CFD: variants seen among roughly 807,000 people sequenced by gnomAD.
CFD encodes the protein C3 convertase activator.
A neutral mutation model predicts 21.1 loss-of-function variants in CFD; 24 were observed. The observed-to-expected ratio is 1.14, with a 90% confidence interval of 0.82 to 1.60. CFD has a LOEUF of 1.60. Among genes scored for constraint, CFD ranks in the 40% most tolerant of loss-of-function variants. CFD has a pLI of 0.00. For synonymous variants in CFD, 242 were observed against 175.9 expected, an observed-to-expected ratio of 1.38 and a Z score of -2.97; for missense variants, 535 against 383.3, an observed-to-expected ratio of 1.40 and a Z score of -3.31.
Position 860,706 on chromosome 19 carries a change from C to T in CFD, c.145C>T (p.His49Tyr), listed in dbSNP as rs890955645. 1 of 1,557,888 alleles carries T rather than the reference C, an allele frequency of 6.4e-7. No homozygotes were observed. The highest frequency in any genetic ancestry group is 8.6e-7 in the Non-Finnish European group (1 of 1,161,406). Residue 49 changes from histidine to tyrosine, a missense_variant, in exon 2 of 5, where the codon CAC (histidine) becomes TAC (tyrosine). By Grantham distance (83) the His-to-Tyr change is moderately conservative (BLOSUM62 2). Coordinates refer to ENST00000327726, the MANE Select transcript of CFD (RefSeq NM_001928.4). ...GGCGTCGGTGCAGCTGAACGGCGCG[C>T]ACCTGTGCGGCGGCGTCCTGGTGGC... Reference protein sequence around the residue: ...YMASVQLNGAHLCGGVLVAEQ... With the variant: ...YMASVQLNGAYLCGGVLVAEQ...
chr19:862,008 G>T, intron 4 of CFD, 52 bp downstream of exon 4: 2 of 1,509,682 alleles, frequency 1.3e-6, no homozygotes, highest in Non-Finnish European at 1.8e-6. Flanking sequence ...CCCGGGAAGG[G>T]CCTGCAGAGG....
intron 3 of CFD, 64 bp from the exon 4 acceptor site, chr19:861,635 T>A: frequency 1.4e-6 from 2 of 1,438,568 alleles, no homozygotes; most frequent in Non-Finnish European, 1.8e-6. Context: ...TCCCCGAGCC[T>A]AGCGGCATTC....
At position 863,210 on chromosome 19, in the gene CFD, C is replaced by T. The variant is rs958184064; in HGVS notation, c.734C>T (p.Ala245Val). 7.8e-6 allele frequency: 12 copies of T among 1,542,606 alleles called. No individual in the cohort carries two copies. In the African/African-American group the frequency reaches 1.1e-4, roughly 14 times the overall value. The change falls in exon 5 of 5, where the codon GCG becomes GTG. Residue 245 changes from alanine (A) to valine (V), a missense_variant. By Grantham distance (64) the Ala-to-Val change is moderately conservative. Transcript: ENST00000327726. ...ATCTACACCCGCGTGGCGAGCTATG[C>T]GGCCTGGATCGACAGCGTCCTGGCC... Reference protein sequence around the residue: ...PGIYTRVASYAAWIDSVLA With the variant: ...PGIYTRVASYVAWIDSVLA
chr19:860,430 A>ACCCCCCCCC (rs57197777), intron 1 of CFD, among the ~76,000 whole-genome samples, 187 bp from the exon 2 acceptor site: 9 of 140,438 alleles, frequency 6.4e-5, no homozygotes, highest in African/African-American at 1.1e-4. Context: ...CATGATCTGC[A>ACCCCCCCCC]CCCCCCCCTC....
At chr19:862,098 C>T (rs528253689) in intron 4 of CFD, 142 bp downstream of exon 4, 2 of 806,014 alleles carry the variant, frequency 2.5e-6, no homozygotes, top group African/African-American at 3.4e-5. Context: ...GGAAGATGGG[C>T]GGAGCATGAG....
Position 860,768 on chromosome 19 carries a change from G to T in CFD, c.207G>T (p.Glu69Asp). 6.4e-7 allele frequency: 1 copy of T among 1,566,196 alleles called. No homozygotes were observed. The highest frequency in any genetic ancestry group is 2.3e-5 in the East Asian group (1 of 42,816). Residue 69 changes from glutamate to aspartate, a missense_variant, in exon 2 of 5, where the codon GAG (glutamate) becomes GAT (aspartate). Coordinates refer to ENST00000327726, the MANE Select transcript of CFD (RefSeq NM_001928.4). ...TGCTGAGCGCGGCGCACTGCCTGGA[G>T]GACGCGTGAGTGCCCGCGCCGCGCG... ...QWVLSAAHCL[E>D]DAADGKVQVL...
chr19:863,032 T>C (rs925251480), intron 4 of CFD, 60 bp from the exon 5 acceptor site: 14 of 1,461,682 alleles, frequency 9.6e-6, no homozygotes, highest in Non-Finnish European at 1.2e-5. Context: ...TGAGGGGGTC[T>C]AACACGTGAG....
rs1383170028 is a variant in CFD, at chr19:863,602, T to C, written c.*364T>C. 4 of 180,766 alleles carry C rather than the reference T, an allele frequency of 2.2e-5. No homozygotes were observed. Among genetic ancestry groups the C allele is most frequent in the South Asian group, 1.1e-4 (1 of 9,442 alleles). The allele number at this position is 180,766 out of a possible 1,614,324, so 11.2% of individuals were successfully genotyped here. ...GGGCAACAGAGTGAAACCTTGTCTC[T>C]CTCTACAAAAAAAAAAAAAAAATTC... On this transcript the variant is annotated 3_prime_UTR_variant, in exon 5 of 5. Transcript: ENST00000327726.
In CFD at chr19:863,320, C is replaced by T. The variant is rs185568925; in HGVS notation, c.*82C>T. Reference sequence around the variant, plus strand: ...TCATCCACTCCTGCATCTGGTTGGTCTTTATTGAGCACCTACTATATGCAG... The same window carrying T: ...TCATCCACTCCTGCATCTGGTTGGTTTTTATTGAGCACCTACTATATGCAG... On this transcript the variant is annotated 3_prime_UTR_variant, in exon 5 of 5. Coordinates refer to ENST00000327726, the MANE Select transcript of CFD (RefSeq NM_001928.4). 3.6e-5 allele frequency: 54 copies of T among 1,485,350 alleles called. No individual in the cohort carries two copies. Among genetic ancestry groups the T allele is most frequent in the Non-Finnish European group, 4.8e-5 (53 of 1,100,950 alleles). 92.0% of individuals were successfully genotyped at this position (1,485,350 alleles called of 1,614,324 possible). A position where few individuals can be genotyped will look rare whatever the true frequency, so the allele number is the denominator to read the frequency against.
chr19:863,049 G>T, intron 4 of CFD, 43 bp from the exon 5 acceptor site: 1 of 1,481,172 alleles, frequency 6.8e-7, no homozygotes, highest in Non-Finnish European at 9.0e-7. Flanking sequence ...TGAGGCCGGG[G>T]TGGGCGCGGG....
At chr19:862,386 G>A (rs2035812618) in intron 4 of CFD, among the ~76,000 whole-genome samples, 1 of 143,764 alleles carries the variant, frequency 7.0e-6, no homozygotes, top group Non-Finnish European at 1.5e-5. Context: ...GGCAGGGCAT[G>A]GAGGAAGGGG....
chr19:861,543 C>G (rs1023068101), intron 3 of CFD, among the ~76,000 whole-genome samples, 156 bp from the exon 4 acceptor site: 2 of 149,574 alleles, frequency 1.3e-5, no homozygotes, highest in Non-Finnish European at 3.0e-5. Flanking sequence ...CACCTGCACC[C>G]CCACCCAGGG....
At chr19:860,434 C>T (rs986287424) in intron 1 of CFD, among the ~76,000 whole-genome samples, 183 bp from the exon 2 acceptor site, 8 of 151,280 alleles carry the variant, frequency 5.3e-5, no homozygotes, top group African/African-American at 1.9e-4. Context: ...ATCTGCACCC[C>T]CCCCTCCCCC....
intron 3 of CFD, among the ~76,000 whole-genome samples, chr19:861,496 G>A (rs2035793437): frequency 9.3e-6 from 1 of 107,014 alleles, no homozygotes; most frequent in African/African-American, 3.8e-5. Context: ...CTCGACCTTT[G>A]CAGCTGCACT....
rs565504637 is a variant in CFD, at chr19:860,604, C to T, written c.56-13C>T. On this transcript the variant is annotated splice_polypyrimidine_tract_variant and intron_variant, in intron 1 of 4. Coordinates refer to ENST00000327726, the MANE Select transcript of CFD (RefSeq NM_001928.4). ...GTCCACCCCGCGGCCCTCACGCGCC[C>T]GCCCACCCACAGCGGCGCCGCCCCG... 66 of 1,427,990 alleles carry T rather than the reference C, an allele frequency of 4.6e-5. No individual in the cohort carries two copies. The Admixed American group carries it at 1.9e-3, about 41-fold the overall frequency. 88.5% of individuals were successfully genotyped at this position (1,427,990 alleles called of 1,614,324 possible). A position where few individuals can be genotyped will look rare whatever the true frequency, so the allele number is the denominator to read the frequency against.
At chr19:860,480 A>T in intron 1 of CFD, 137 bp from the exon 2 acceptor site, 2 of 528,754 alleles carry the variant, frequency 3.8e-6, no homozygotes, top group Non-Finnish European at 5.4e-6. Flanking sequence ...TGCTGGGATT[A>T]CAGGCGTGAG....
In CFD at chr19:863,348, G is replaced by T; in HGVS notation, c.*110G>T. 7.5e-7 allele frequency: 1 copy of T among 1,330,420 alleles called. No individual in the cohort carries two copies. Among genetic ancestry groups the T allele is most frequent in the Non-Finnish European group, 1.0e-6 (1 of 960,758 alleles). 82.4% of individuals were successfully genotyped at this position (1,330,420 alleles called of 1,614,324 possible). A position where few individuals can be genotyped will look rare whatever the true frequency, so the allele number is the denominator to read the frequency against. ...TATTGAGCACCTACTATATGCAGAA[G>T]GGGAGGCCGAGGTGGGAGGATCATT... On this transcript the variant is annotated 3_prime_UTR_variant, in exon 5 of 5. Transcript: ENST00000327726.
In CFD at chr19:860,853, GTCCCCA is replaced by G; in HGVS notation, c.213-7_213-2del. The G allele has an allele frequency of 6.4e-7, 1 of 1,566,414 alleles. No individual in the cohort carries two copies. The highest frequency in any genetic ancestry group is 8.6e-7 in the Non-Finnish European group (1 of 1,162,524). On this transcript the variant is annotated splice_acceptor_variant and splice_polypyrimidine_tract_variant and intron_variant, in intron 2 of 4. Coordinates refer to ENST00000327726, the MANE Select transcript of CFD (RefSeq NM_001928.4). LOFTEE classifies it high-confidence loss of function. ...TGGCACCGACCGCGGACTCCGTCCG[GTCCCCA>G]GGGCCGACGGGAAGGTGCAGGTTCT...
Position 863,406 on chromosome 19 carries a change from C to A in CFD, c.*168C>A. 2.7e-6 allele frequency: 2 copies of A among 734,338 alleles called. No individual in the cohort carries two copies. Among genetic ancestry groups the A allele is most frequent in the East Asian group, 2.7e-5 (1 of 36,550 alleles). 45.5% of individuals were successfully genotyped at this position (734,338 alleles called of 1,614,324 possible). ...AGGAGTTCGAGATCAGCATGGGCCA[C>A]GTAGCGCGACTCCATCTCTACAAAT... On this transcript the variant is annotated 3_prime_UTR_variant, in exon 5 of 5. Coordinates refer to ENST00000327726, the MANE Select transcript of CFD (RefSeq NM_001928.4).
Sources: gnomAD v4.1 joint callset for allele counts (sites outside exome capture counted in the v4.1 genomes callset) on GRCh38, gnomAD v4.1.1 for gene constraint, MANE v1.5 for transcripts, NCBI Gene and HGNC (gene_info 2026-07-23, HGNC 2026-07-21) for gene names.